The following RPL34 variants were observed in gnomAD, a reference collection of about 807,000 sequenced individuals.
RPL34 encodes the protein large ribosomal subunit protein eL34.
A neutral mutation model predicts 16.3 loss-of-function variants in RPL34; 2 were observed. That is an observed-to-expected ratio of 0.12 (90% CI 0.05 to 0.39). The LOEUF is 0.39. Among genes scored for constraint, RPL34 ranks in the 10% least tolerant of loss-of-function variants. RPL34 has a pLI of 0.99. For missense variants in RPL34, 82 were observed against 148.8 expected (o/e 0.55, Z 2.33); for synonymous variants, 47 against 48.5 (o/e 0.97, Z 0.13).
chr4:108,626,393 G>A (rs542948224), downstream of RPL34, among the ~76,000 whole-genome samples: 87 of 151,364 alleles, frequency 5.7e-4, 1 homozygote, highest in African/African-American at 2.0e-3. Flanking sequence ...GCCTCCCAGC[G>A]TGCCAGGATT....
chr4:108,627,241 A>G (rs537640057), downstream of RPL34, among the ~76,000 whole-genome samples: 17 of 151,076 alleles, frequency 1.1e-4, no homozygotes, highest in South Asian at 3.3e-3. Context: ...TCGGTCTCCA[A>G]AAAAAAAACA....
At chr4:108,628,910 C>A (rs1229376190), downstream of RPL34, among the ~76,000 whole-genome samples, 1 of 152,188 alleles carries the variant, frequency 6.6e-6, no homozygotes, top group African/African-American at 2.4e-5. Context: ...GCAACCTCCA[C>A]CTCCTGGGTT....
intron 3 of RPL34, 60 bp from the exon 4 acceptor site, chr4:108,622,455 C>T (rs886260205): frequency 2.9e-6 from 4 of 1,384,326 alleles, no homozygotes; most frequent in Non-Finnish European, 4.1e-6. Flanking sequence ...TAACACTTAA[C>T]AAAATTTAGG....
At chr4:108,621,640 T>G (rs1404637576) in intron 1 of RPL34, 3 of 302,500 alleles carry the variant, frequency 9.9e-6, no homozygotes. Flanking sequence ...GCGGTGTTTC[T>G]CCAACTGGGC....
Position 108,625,299 on chromosome 4 carries a change from G to A in RPL34, c.*87G>A. 1.4e-6 allele frequency: 1 copy of A among 736,238 alleles called. No homozygotes were observed. The allele number at this position is 736,238 out of a possible 1,614,324, so 45.6% of individuals were successfully genotyped here. ...TTCTGTTGTAATGTGTTAGTATACA[G>A]ATTTTGTTTCTGTATGGTATTTGGG... On this transcript the variant is annotated 3_prime_UTR_variant, in exon 5 of 5. Coordinates refer to ENST00000394667, the MANE Select transcript of RPL34 (RefSeq NM_001319236.2).
downstream of RPL34, among the ~76,000 whole-genome samples, chr4:108,629,703 A>G (rs1262314659): frequency 2.0e-5 from 3 of 152,222 alleles, no homozygotes; most frequent in Non-Finnish European, 4.4e-5. Context: ...ATTGCTTATA[A>G]ATTCTGTTAG....
In RPL34 at chr4:108,622,165, A is replaced by G. The variant is rs1465181018; in HGVS notation, c.126A>G (p.Pro42=). ...ATACCAAGAAGGTTGGGAAAGCACC[A>G]AAATCTGCATGTGGTGTGTGCCCAG... The part of the protein sequence containing the change: ...YLYTKKVGKA[P]KSACGVCPGR... The change falls in exon 3 of 5, where the codon CCA becomes CCG. Residue 42 remains proline, a synonymous_variant. Transcript: ENST00000394667. 1.2e-6 allele frequency: 2 copies of G among 1,613,202 alleles called. No individual in the cohort carries two copies. The highest frequency in any genetic ancestry group is 1.7e-6 in the Non-Finnish European group (2 of 1,179,866).
chr4:108,625,557 G>A (rs1448748864), downstream of RPL34: 2 of 192,510 alleles, frequency 1.0e-5, no homozygotes, highest in Non-Finnish European at 2.2e-5. Context: ...GGCTAATTTT[G>A]TATATTTTAG....
At chr4:108,625,812 G>C (rs1725981653), downstream of RPL34, among the ~76,000 whole-genome samples, 1 of 152,154 alleles carries the variant, frequency 6.6e-6, no homozygotes, top group Admixed American at 6.6e-5. Flanking sequence ...AGGGTGGTTT[G>C]GGAGGAATGG....
downstream of RPL34, chr4:108,630,278 A>G (rs994534399): frequency 2.6e-5 from 4 of 152,196 alleles, no homozygotes; most frequent in Admixed American, 6.5e-5. Flanking sequence ...TGCTCTTGGT[A>G]CCAGGAGCTC....
At chr4:108,624,221 G>C (rs1725901881) in intron 4 of RPL34, among the ~76,000 whole-genome samples, 2 of 152,210 alleles carry the variant, frequency 1.3e-5, no homozygotes, top group South Asian at 4.1e-4. Context: ...ATGCTGAGCA[G>C]GTCTGCATGT....
downstream of RPL34, among the ~76,000 whole-genome samples, chr4:108,626,993 A>G (rs1726026727): frequency 6.6e-6 from 1 of 152,100 alleles, no homozygotes; most frequent in Non-Finnish European, 1.5e-5. Flanking sequence ...TAATCCCAGT[A>G]CTTTGGGAGG....
downstream of RPL34, among the ~76,000 whole-genome samples, chr4:108,628,059 G>A (rs931925949): frequency 6.6e-5 from 10 of 152,094 alleles, no homozygotes; most frequent in African/African-American, 2.4e-4. Flanking sequence ...GTGAATAAGT[G>A]TAATGACCGG....
chr4:108,625,478 C>CGGA (rs1725969603), downstream of RPL34: 2 of 289,878 alleles, frequency 6.9e-6, no homozygotes, highest in South Asian at 9.4e-5. Context: ...CTCTGCCTTC[C>CGGA]AGGTTCAAGT....
In RPL34 at chr4:108,622,094, T is replaced by A; in HGVS notation, c.66-11T>A. ...ACAAAATGCTGACCTACTGACTGTTTCACTTTCTAGGTCCCGAACCCCTGG... is the reference window on the plus strand; with the variant it reads ...ACAAAATGCTGACCTACTGACTGTTACACTTTCTAGGTCCCGAACCCCTGG... On this transcript the variant is annotated splice_polypyrimidine_tract_variant and intron_variant, in intron 2 of 4. Coordinates refer to ENST00000394667, the MANE Select transcript of RPL34 (RefSeq NM_001319236.2). 6.2e-7 allele frequency: 1 copy of A among 1,607,288 alleles called. No homozygotes were observed. Among genetic ancestry groups the A allele is most frequent in the Non-Finnish European group, 8.5e-7 (1 of 1,173,740 alleles).
intron 4 of RPL34, among the ~76,000 whole-genome samples, chr4:108,624,533 C>CA (rs1029279303): frequency 3.9e-5 from 6 of 152,158 alleles, no homozygotes; most frequent in African/African-American, 1.2e-4. Flanking sequence ...GATGGAGGCT[C>CA]AAAGTCTAGA....
chr4:108,630,038 G>T (rs1726125333), downstream of RPL34: 1 of 152,154 alleles, frequency 6.6e-6, no homozygotes, highest in African/African-American at 2.4e-5. Flanking sequence ...AGAAAAAGTT[G>T]GTGTGCTGGA....
downstream of RPL34, among the ~76,000 whole-genome samples, chr4:108,625,705 G>A (rs1406422453): frequency 6.6e-6 from 1 of 152,144 alleles, no homozygotes; most frequent in Non-Finnish European, 1.5e-5. Flanking sequence ...TTTTTCTGAA[G>A]AAACAGTTGG....
At chr4:108,622,646 C>T (rs1398974061) in intron 4 of RPL34, 28 bp downstream of exon 4, 2 of 1,406,798 alleles carry the variant, frequency 1.4e-6, no homozygotes, top group Admixed American at 4.1e-5. Flanking sequence ...ATGGGCTTTC[C>T]TTAGCAAATT....
Sources: gnomAD v4.1 joint callset for allele counts (sites outside exome capture counted in the v4.1 genomes callset) on GRCh38, gnomAD v4.1.1 for gene constraint, MANE v1.5 for transcripts, NCBI Gene and HGNC (gene_info 2026-07-23, HGNC 2026-07-21) for gene names.